Variants in CHD8 observed in about 807,000 individuals in gnomAD.
CHD8 encodes the protein chromodomain helicase DNA binding protein 8.
Under a neutral mutation model 279.2 loss-of-function variants are expected in CHD8, and 31 were observed. The observed-to-expected ratio is 0.11, with a 90% CI of 0.08 to 0.15. The LOEUF is 0.15. CHD8 is among the 10% of genes least tolerant of loss of function. The probability of loss-of-function intolerance (pLI) is 1.00; values close to 1 mark genes in which losing one functional copy is unlikely to be tolerated. For synonymous variants in CHD8, 1,081 were observed against 1,139.6 expected, an observed-to-expected ratio of 0.95 and a Z score of 1.04; for missense variants, 2,146 against 3,230.5, an observed-to-expected ratio of 0.66 and a Z score of 8.14.
Position 21,403,358 on chromosome 14 carries a change from T to C in CHD8, c.3518+95A>G. 1 of 1,272,148 alleles carries C rather than the reference T, an allele frequency of 7.9e-7. No homozygotes were observed. The highest frequency in any genetic ancestry group is 1.1e-6 in the Non-Finnish European group (1 of 911,100). 78.8% of individuals were successfully genotyped at this position (1,272,148 alleles called of 1,614,324 possible). On this transcript the variant is annotated intron_variant, in intron 17 of 37. Transcript: ENST00000646647. The surrounding 1 kb of genome is among the most constrained non-coding windows in gnomAD (Gnocchi z 4.3). ...TGAGAATCTTAAAAACTTCTCTTATTGCAATTGGTGAACTCTAATTAAATC... is the reference window on the plus strand; with the variant it reads ...TGAGAATCTTAAAAACTTCTCTTATCGCAATTGGTGAACTCTAATTAAATC...
chr14:21,431,146 T>C lies in CHD8; in HGVS notation c.498A>G (p.Pro166=). Residue 166 remains proline, a synonymous_variant, in exon 2 of 38, where the codon CCA becomes CCG. Coordinates refer to ENST00000646647, the MANE Select transcript of CHD8 (RefSeq NM_001170629.2). The part of the protein sequence containing the change: ...APKIVILKAP[P]SSSVTGAHVA... ...CATGGGCACCAGTGACTGAGGAGCT[T>C]GGTGGGGCCTTAAGGATAACAATCT... 6.3e-7 allele frequency: 1 copy of C among 1,599,094 alleles called. No homozygotes were observed. The highest frequency in any genetic ancestry group is 8.5e-7 in the Non-Finnish European group (1 of 1,179,648).
rs778904376 is a variant in CHD8, at chr14:21,392,739, C to T, written c.6539G>A (p.Arg2180His). 2.6e-5 allele frequency: 42 copies of T among 1,613,878 alleles called. No homozygotes were observed. The highest frequency in any genetic ancestry group is 8.8e-5 in the South Asian group (8 of 91,088). The change falls in exon 34 of 38, where the codon CGT becomes CAT. Residue 2180 changes from arginine (R) to histidine (H), a missense_variant. Physicochemically the swap from Arg to His is conservative, Grantham distance 29 (BLOSUM62 0). Transcript: ENST00000646647. ...AVLSGKWPSS[R>H]RSQEMVTGGI... Reference sequence around the variant, plus strand: ...TCCTGTTACCATTTCCTGGCTCCTACGGCTAGAAGGCCACTTCCCTGAGAG... The same window carrying T: ...TCCTGTTACCATTTCCTGGCTCCTATGGCTAGAAGGCCACTTCCCTGAGAG...
chr14:21,429,359 A>C lies in CHD8; in HGVS notation c.844-24T>G, dbSNP rs755858000. On this transcript the variant is annotated intron_variant, in intron 2 of 37. Coordinates refer to ENST00000646647, the MANE Select transcript of CHD8 (RefSeq NM_001170629.2). ...CCCTAAAGTGAAGAAAGGAAATTGC[A>C]AGAGTACAACATTAAAGAATGGTAT... is the stretch of plus-strand genomic sequence containing the variant. 5.0e-6 allele frequency: 8 copies of C among 1,601,622 alleles called. No individual in the cohort carries two copies. The Admixed American group carries it at 1.3e-4, about 27-fold the overall frequency.
In CHD8 at chr14:21,385,470, ATTTT is replaced by A. The variant is rs370612022; in HGVS notation, c.*139_*142del. On this transcript the variant is annotated 3_prime_UTR_variant, in exon 38 of 38. Transcript: ENST00000646647. ...CTCATAATTGGGAGCAATCAGGTAC[ATTTT>A]TTTTTTTTTTTCCTTTTCACCTCCT... The A allele has an allele frequency of 1.7e-5, 18 of 1,074,492 alleles. No homozygotes were observed. Among genetic ancestry groups the A allele is most frequent in the Admixed American group, 1.3e-4 (4 of 30,418 alleles). 66.6% of individuals were successfully genotyped at this position (1,074,492 alleles called of 1,614,324 possible).
At chr14:21,433,331 G>GA (rs1481862493) in intron 1 of CHD8, among the ~76,000 whole-genome samples, 2 of 151,972 alleles carry the variant, frequency 1.3e-5, no homozygotes, top group African/African-American at 4.8e-5. Context: ...GAAACTAGTG[G>GA]AAAAAAGAAA....
At chr14:21,437,293 C>G (rs754171373) in intron 1 of CHD8, 14 of 1,130,228 alleles carry the variant, frequency 1.2e-5, no homozygotes, top group Non-Finnish European at 1.5e-5. Flanking sequence ...CTGCCCGCCC[C>G]GCGCCATCAT....
chr14:21,406,217 G>A (rs1355060836), intron 14 of CHD8, among the ~76,000 whole-genome samples: 9 of 152,180 alleles, frequency 5.9e-5, no homozygotes, highest in Non-Finnish European at 2.9e-5. Flanking sequence ...ATGTAACTGA[G>A]CTGGATTAAA....
At chr14:21,430,737 C>T (rs1486292939) in intron 2 of CHD8, 64 bp downstream of exon 2, 8 of 1,015,372 alleles carry the variant, frequency 7.9e-6, no homozygotes, top group Non-Finnish European at 1.1e-5. Flanking sequence ...TGTGCTCACT[C>T]TCTCAAAGAG....
At chr14:21,392,115 T>C (rs1192688401) in intron 34 of CHD8, 169 bp from the exon 35 acceptor site, 1 of 762,006 alleles carries the variant, frequency 1.3e-6, no homozygotes. Context: ...ACATACACAC[T>C]TTTTCCTTAG....
At chr14:21,433,462 T>C (rs1239875641) in intron 1 of CHD8, among the ~76,000 whole-genome samples, 1 of 152,232 alleles carries the variant, frequency 6.6e-6, no homozygotes, top group African/African-American at 2.4e-5. Flanking sequence ...GGTAAGACCA[T>C]TTCTCCTAAC....
At chr14:21,436,639 GAA>G (rs2139553763) in intron 1 of CHD8, among the ~76,000 whole-genome samples, 1 of 152,240 alleles carries the variant, frequency 6.6e-6, no homozygotes, top group Non-Finnish European at 1.5e-5. Flanking sequence ...TCCAATTACT[GAA>G]AGAGAAAGCA....
chr14:21,445,343 G>A (rs891436029), intron 1 of CHD8, among the ~76,000 whole-genome samples: 3 of 152,020 alleles, frequency 2.0e-5, no homozygotes, highest in South Asian at 2.1e-4. Context: ...AGGCCGAGGC[G>A]GGTGGATCAC....
chr14:21,395,303 T>C lies in CHD8; in HGVS notation c.5177A>G (p.Asp1726Gly). The C allele has an allele frequency of 6.2e-7, 1 of 1,607,556 alleles. No homozygotes were observed. The highest frequency in any genetic ancestry group is 8.5e-7 in the Non-Finnish European group (1 of 1,175,678). Residue 1726 changes from aspartate (D) to glycine (G), a missense_variant, in exon 29 of 38, where the codon GAT (aspartate) becomes GGT (glycine). Asp to Gly is a moderately conservative substitution (Grantham distance 94, BLOSUM62 -1). Coordinates refer to ENST00000646647, the MANE Select transcript of CHD8 (RefSeq NM_001170629.2). ...TAGTTGACCTAGAAGTTTACCTTCA[T>C]CTCCATCAATCACTGAGATCTCCTC... The part of the protein sequence containing the change: ...MDEEISVIDG[D>G]EAQVTQQPGH...
At chr14:21,436,721 A>C (rs1329763487) in intron 1 of CHD8, among the ~76,000 whole-genome samples, 1 of 152,162 alleles carries the variant, frequency 6.6e-6, no homozygotes, top group Non-Finnish European at 1.5e-5. Context: ...CTTGTGAATA[A>C]ATCGGAAAAG....
rs1403117402 is a variant in CHD8 at position 21,408,281 on chromosome 14, A to T, written c.2730+31T>A. On this transcript the variant is annotated intron_variant, in intron 13 of 37. Transcript: ENST00000646647. This position sits in a 1 kb window ranked among gnomAD's most constrained non-coding sequence, Gnocchi z 4.3. ...CAGGTACCTTGGCCGACTTTCTCTA[A>T]CTCATAGTATTCCCAAGACATGCAA... is the stretch of plus-strand genomic sequence containing the variant. 1 of 1,600,712 alleles carries T rather than the reference A, an allele frequency of 6.2e-7. No homozygotes were observed. Among genetic ancestry groups the T allele is most frequent in the Admixed American group, 1.7e-5 (1 of 59,864 alleles).
chr14:21,389,826 T>A (rs566759467), intron 37 of CHD8, among the ~76,000 whole-genome samples: 123 of 152,234 alleles, frequency 8.1e-4, no homozygotes, highest in Non-Finnish European at 1.5e-3. Context: ...AACAGTTTCC[T>A]CTGCTTTTTC....
intron 36 of CHD8, 70 bp from the exon 37 acceptor site, chr14:21,391,133 T>C: frequency 9.9e-7 from 1 of 1,013,270 alleles, no homozygotes; most frequent in Non-Finnish European, 1.5e-6. Context: ...AAAGTACTAG[T>C]GTCTTTTGTT....
chr14:21,394,878 C>G, intron 30 of CHD8, 34 bp downstream of exon 30: 2 of 1,602,686 alleles, frequency 1.2e-6, no homozygotes, highest in South Asian at 1.1e-5. Context: ...TAACTGAAAA[C>G]ACAGATCAGC....
intron 5 of CHD8, among the ~76,000 whole-genome samples, chr14:21,421,245 A>G (rs904073982): frequency 1.3e-5 from 2 of 152,124 alleles, no homozygotes; most frequent in African/African-American, 4.8e-5. Flanking sequence ...AAATGGATGC[A>G]TATACATATA....
Sources: allele counts gnomAD v4.1 joint callset (sites outside exome capture counted in the v4.1 genomes callset), GRCh38; gene constraint gnomAD v4.1.1; non-coding constraint Gnocchi (gnomAD v3.1); transcripts MANE v1.5; gene names NCBI Gene and HGNC (gene_info 2026-07-23, HGNC 2026-07-21).